CADPS: variants seen among roughly 807,000 people sequenced by gnomAD.
The protein encoded by CADPS is calcium-dependent secretion activator 1.
In CADPS, 57 loss-of-function variants were observed where a neutral mutation model predicts 167.3. That is an observed-to-expected ratio of 0.34 (90% confidence interval 0.28 to 0.42). The LOEUF (loss-of-function observed/expected upper bound fraction) is 0.42. Among genes scored for constraint, CADPS ranks in the 20% least tolerant of loss-of-function variants. The probability of loss-of-function intolerance (pLI) is 1.00; values close to 1 mark genes in which losing one functional copy is unlikely to be tolerated. For synonymous variants in CADPS, 676 were observed against 635.3 expected, an observed-to-expected ratio of 1.06 and a Z score of -0.96; for missense variants, 1,414 against 1,738.1, an observed-to-expected ratio of 0.81 and a Z score of 3.32.
At position 62,579,451 on chromosome 3, in the gene CADPS, A is replaced by G. The variant is rs185282304; in HGVS notation, c.1577+5734T>C. Among the ~76,000 whole-genome samples the G allele has an allele frequency of 8.2e-3, 1,243 of 152,360 alleles. 20 individuals carry two copies. Among genetic ancestry groups the G allele is most frequent in the African/African-American group, 0.027 (1,122 of 41,576 alleles). On this transcript the variant is annotated intron_variant, in intron 8 of 29. Transcript: ENST00000383710. ...GAACTCACAGTCTAGTGGGGAAGAC[A>G]GACAACAAACTAATAAATAAAGAAG...
intron 6 of CADPS, among the ~76,000 whole-genome samples, chr3:62,642,566 A>T (rs72874457): frequency 0.017 from 2,524 of 152,298 alleles, 83 homozygotes; most frequent in African/African-American, 0.057. Flanking sequence ...CTAGGGAGGC[A>T]GGAAGAAAAT....
chr3:62,599,718 A>ATT (rs2059500172), intron 6 of CADPS, among the ~76,000 whole-genome samples: 1 of 12,182 alleles, frequency 8.2e-5, no homozygotes, highest in African/African-American at 2.0e-4. Context: ...TATAATATAT[A>ATT]ATATATATAG....
chr3:62,534,899 C>T (rs529224148), intron 12 of CADPS, among the ~76,000 whole-genome samples: 10 of 152,136 alleles, frequency 6.6e-5, no homozygotes, highest in Admixed American at 2.0e-4. Context: ...AATTTTAAGC[C>T]TATAAGTAAT....
intron 1 of CADPS, among the ~76,000 whole-genome samples, chr3:62,799,678 A>G (rs868299881): frequency 2.6e-5 from 4 of 152,204 alleles, no homozygotes; most frequent in Middle Eastern, 6.8e-3. Context: ...TTTTTAATGT[A>G]TAAGTGTAGA....
chr3:62,620,075 A>AT lies in CADPS; in HGVS notation c.1325+25646dup, dbSNP rs562643759. Among the ~76,000 whole-genome samples the AT allele has an allele frequency of 5.7e-3, 843 of 147,574 alleles. 7 individuals carry two copies. The highest frequency in any genetic ancestry group is 0.018 in the African/African-American group (727 of 40,410). On this transcript the variant is annotated intron_variant, in intron 6 of 29. Coordinates refer to ENST00000383710, the MANE Select transcript of CADPS (RefSeq NM_003716.4). Reference sequence around the variant, plus strand: ...ATTCATTATTTATTGGGTGCTATTGATTTTTTTTTTTAACTCTTGGGAAAC... The same window carrying AT: ...ATTCATTATTTATTGGGTGCTATTGATTTTTTTTTTTTAACTCTTGGGAAAC...
chr3:62,835,255 GA>G lies in CADPS; in HGVS notation c.441+39333del. ...GTAGTATCTCAAAATAAAAAATAAA[GA>G]ACTGATATTGCAGGCTACCTTGCAG... On this transcript the variant is annotated intron_variant, in intron 1 of 29. Transcript: ENST00000383710. Among the ~76,000 whole-genome samples, 3 of 152,146 alleles carry G rather than the reference GA, an allele frequency of 2.0e-5. No individual in the cohort carries two copies. In the Middle Eastern group the frequency reaches 0.01, roughly 518 times the overall value.
Position 62,867,340 on chromosome 3 carries a change from C to T in CADPS, c.441+7249G>A, listed in dbSNP as rs115826577. 4.8e-3 allele frequency among the ~76,000 whole-genome samples: 727 copies of T among 152,124 alleles called. 4 individuals carry two copies. Among genetic ancestry groups the T allele is most frequent in the African/African-American group, 0.016 (685 of 41,546 alleles). On this transcript the variant is annotated intron_variant, in intron 1 of 29. Transcript: ENST00000383710. ...ATTGAGTGACCCAAGACCCCTTTAT[C>T]TGAGTCTTCTGATAAGCTTGTGGCA...
chr3:62,728,624 T>C (rs1575561253), intron 3 of CADPS, among the ~76,000 whole-genome samples: 1 of 151,922 alleles, frequency 6.6e-6, no homozygotes, highest in South Asian at 2.1e-4. Context: ...CAAATGTAAA[T>C]GTTCTCTTAA....
chr3:62,652,483 C>T (rs1192023127), intron 4 of CADPS, among the ~76,000 whole-genome samples: 1 of 151,774 alleles, frequency 6.6e-6, no homozygotes, highest in Non-Finnish European at 1.5e-5. Flanking sequence ...TATTAGTGCC[C>T]TGTCATCAAT....
intron 1 of CADPS, among the ~76,000 whole-genome samples, chr3:62,865,888 G>A (rs934374695): frequency 3.3e-5 from 5 of 151,912 alleles, no homozygotes; most frequent in African/African-American, 1.2e-4. Context: ...GAGAAAATGA[G>A]CACATTTATT....
intron 27 of CADPS, among the ~76,000 whole-genome samples, chr3:62,441,646 C>T (rs1340611369): frequency 1.3e-5 from 2 of 152,276 alleles, no homozygotes; most frequent in East Asian, 1.9e-4. Context: ...AATGTTCTAA[C>T]AAAAACCTCA....
At chr3:62,453,256 TG>T (rs1450079950) in intron 26 of CADPS, among the ~76,000 whole-genome samples, 1 of 152,186 alleles carries the variant, frequency 6.6e-6, no homozygotes, top group East Asian at 1.9e-4. Flanking sequence ...CAGAGAGCTG[TG>T]TTTTTTTAAA....
At chr3:62,581,516 A>AT (rs1424480734) in intron 8 of CADPS, among the ~76,000 whole-genome samples, 1 of 151,318 alleles carries the variant, frequency 6.6e-6, no homozygotes, top group Admixed American at 6.6e-5. Flanking sequence ...ACCTCTACAA[A>AT]TTTTTTTAAA....
intron 10 of CADPS, chr3:62,550,998 G>C: frequency 2.2e-6 from 1 of 452,122 alleles, no homozygotes; most frequent in Admixed American, 2.4e-5. Flanking sequence ...TTAAATGCTG[G>C]GCTTCTGTCC....
intron 3 of CADPS, among the ~76,000 whole-genome samples, chr3:62,693,098 C>A (rs2079516102): frequency 6.6e-6 from 1 of 152,042 alleles, no homozygotes; most frequent in African/African-American, 2.4e-5. Flanking sequence ...CTCTCAGGAA[C>A]ATTCGGTCCC....
chr3:62,409,808 A>G (rs895037522), intron 28 of CADPS, among the ~76,000 whole-genome samples: 6 of 152,200 alleles, frequency 3.9e-5, no homozygotes, highest in African/African-American at 1.4e-4. Context: ...TTTTTAGTGA[A>G]TAAGGAGAGC....
At chr3:62,750,514 TC>T (rs1321247527) in intron 3 of CADPS, among the ~76,000 whole-genome samples, 1 of 152,208 alleles carries the variant, frequency 6.6e-6, no homozygotes, top group Non-Finnish European at 1.5e-5. Context: ...TTTCTTCATA[TC>T]CCATTGTTTT....
At chr3:62,847,855 C>G (rs2077780197) in intron 1 of CADPS, among the ~76,000 whole-genome samples, 1 of 28,576 alleles carries the variant, frequency 3.5e-5, no homozygotes, top group Admixed American at 3.9e-4. Flanking sequence ...AATCGCCACA[C>G]TGACTTCCAC....
chr3:62,855,287 T>C (rs1353042164), intron 1 of CADPS, among the ~76,000 whole-genome samples: 2 of 151,868 alleles, frequency 1.3e-5, no homozygotes, highest in Non-Finnish European at 2.9e-5. Flanking sequence ...AAACAAAATA[T>C]ATATCTCAGC....
Sources: gnomAD v4.1 joint callset for allele counts (sites outside exome capture counted in the v4.1 genomes callset) on GRCh38, gnomAD v4.1.1 for gene constraint, MANE v1.5 for transcripts, NCBI Gene and HGNC (gene_info 2026-07-23, HGNC 2026-07-21) for gene names.